The following NOP53 variants were observed in gnomAD, a reference collection of about 807,000 sequenced individuals.
NOP53 encodes NOP53 ribosome biogenesis factor.
Under a neutral mutation model 61.0 loss-of-function variants are expected in NOP53, and 40 were observed. That is an observed-to-expected ratio of 0.66 (90% confidence interval 0.51 to 0.85). NOP53 has a LOEUF of 0.85. Among genes scored for constraint, NOP53 ranks in the 40% least tolerant of loss-of-function variants. The pLI, the probability that NOP53 is intolerant of heterozygous loss-of-function variation, is 0.00. For synonymous variants in NOP53, 308 were observed against 289.5 expected (o/e 1.06, Z -0.65); for missense variants, 689 against 652.9 (o/e 1.06, Z -0.60).
intron 6 of NOP53, chr19:47,753,175 G>GC (rs1967145833): frequency 6.5e-6 from 1 of 152,966 alleles, no homozygotes; most frequent in African/African-American, 2.4e-5. Flanking sequence ...CGGGTGCGGT[G>GC]CCTCACACCT....
At chr19:47,746,699 C>G in intron 1 of NOP53, 1 of 319,176 alleles carries the variant, frequency 3.1e-6, no homozygotes, top group Non-Finnish European at 5.9e-6. Flanking sequence ...GGCAGGGTTT[C>G]ACCATGTTGG....
At chr19:47,751,404 T>C in intron 4 of NOP53, 116 bp from the exon 5 acceptor site, 1 of 793,038 alleles carries the variant, frequency 1.3e-6, no homozygotes, top group East Asian at 2.6e-5. Flanking sequence ...GAATCAGTCC[T>C]TCCCTTGCCT....
intron 2 of NOP53, among the ~76,000 whole-genome samples, chr19:47,749,751 T>C (rs920004290): frequency 1.3e-5 from 2 of 152,062 alleles, no homozygotes; most frequent in Admixed American, 1.3e-4. Flanking sequence ...TTTCTTCCTT[T>C]TTTTTTTCCC....
In NOP53 at chr19:47,754,386, T is replaced by C. The variant is rs142701460; in HGVS notation, c.766-141T>C. 339 of 677,232 alleles carry C rather than the reference T, an allele frequency of 5.0e-4. 2 individuals carry two copies. Among genetic ancestry groups the C allele is most frequent in the African/African-American group, 4.8e-3 (268 of 56,210 alleles). 42.0% of individuals were successfully genotyped at this position (677,232 alleles called of 1,614,324 possible). A position where few individuals can be genotyped will look rare whatever the true frequency, so the allele number is the denominator to read the frequency against. Reference sequence around the variant, plus strand: ...CTGGCTCTGTGCAGGGTGGGTGTGCTGGTAGACGGGGTGTGGGGAGGAAAG... The same window carrying C: ...CTGGCTCTGTGCAGGGTGGGTGTGCCGGTAGACGGGGTGTGGGGAGGAAAG... On this transcript the variant is annotated intron_variant, in intron 6 of 12. Coordinates refer to ENST00000246802, the MANE Select transcript of NOP53 (RefSeq NM_015710.5). The surrounding 1 kb of genome is among the most constrained non-coding windows in gnomAD (Gnocchi z 4.2).
intron 12 of NOP53, 27 bp from the exon 13 acceptor site, chr19:47,756,972 C>T: frequency 2.5e-6 from 4 of 1,613,992 alleles, no homozygotes; most frequent in Non-Finnish European, 3.4e-6. Flanking sequence ...CTCTCACCCA[C>T]CCTCAGCTCC....
chr19:47,752,611 C>A lies in NOP53; in HGVS notation c.765+4C>A. ...TCCATCCTTTGAAGACCACCAGGTACACTGCCCCGTCCAGGCCTCCCTCCT... is the reference window on the plus strand; with the variant it reads ...TCCATCCTTTGAAGACCACCAGGTAAACTGCCCCGTCCAGGCCTCCCTCCT... On this transcript the variant is annotated splice_donor_region_variant and intron_variant, in intron 6 of 12. Transcript: ENST00000246802. The A allele has an allele frequency of 1.3e-6, 2 of 1,569,428 alleles. No homozygotes were observed. The highest frequency in any genetic ancestry group is 1.1e-5 in the South Asian group (1 of 90,238).
At position 47,755,413 on chromosome 19, in the gene NOP53, G is replaced by C. The variant is rs969249170; in HGVS notation, c.1119G>C (p.Gly373=). The C allele has an allele frequency of 4.4e-5, 67 of 1,534,068 alleles. No homozygotes were observed. Among genetic ancestry groups the C allele is most frequent in the Non-Finnish European group, 5.7e-5 (65 of 1,144,026 alleles). The change falls in exon 9 of 13, where the codon GGG becomes GGC. Residue 373 remains glycine (G), a synonymous_variant. Transcript: ENST00000246802. Reference sequence around the variant, plus strand: ...ACCAGGAGCTGTTCCGGCTGCGCGGGATCAAGGCCCAGGTGGCCCTGAGGC... The same window carrying C: ...ACCAGGAGCTGTTCCGGCTGCGCGGCATCAAGGCCCAGGTGGCCCTGAGGC... ...LRHQELFRLR[G]IKAQVALRLA...
At position 47,745,574 on chromosome 19, in the gene NOP53, C is replaced by T. The variant is rs776909546; in HGVS notation, c.15C>T (p.Gly5=). 5.1e-5 allele frequency: 83 copies of T among 1,613,682 alleles called. No homozygotes were observed. The highest frequency in any genetic ancestry group is 5.1e-4 in the Middle Eastern group (3 of 5,852). Residue 5 remains glycine (G), a synonymous_variant, in exon 1 of 13, where the codon GGC becomes GGT. Coordinates refer to ENST00000246802, the MANE Select transcript of NOP53 (RefSeq NM_015710.5). ...CCTTTGACAAGATGGCGGCAGGAGG[C>T]AGTGGCGTTGGTGGGAAGCGCAGCT... The part of the protein sequence containing the change: MAAG[G]SGVGGKRSSK...
At chr19:47,752,856 C>T (rs1263434114) in intron 6 of NOP53, 11 of 483,382 alleles carry the variant, frequency 2.3e-5, no homozygotes, top group East Asian at 3.3e-5. Context: ...GAGGAGGGGT[C>T]GCCTGAGCCG....
chr19:47,752,767 A>G, intron 6 of NOP53, 160 bp downstream of exon 6: 1 of 583,630 alleles, frequency 1.7e-6, no homozygotes, highest in Non-Finnish European at 3.1e-6. Context: ...GTTCCCAGAC[A>G]GTGATGGGCA....
At position 47,756,676 on chromosome 19, in the gene NOP53, T is replaced by C. The variant is rs1335652465; in HGVS notation, c.1374-12T>C. The C allele has an allele frequency of 1.9e-6, 3 of 1,613,946 alleles. No homozygotes were observed. Among genetic ancestry groups the C allele is most frequent in the Non-Finnish European group, 2.5e-6 (3 of 1,179,978 alleles). On this transcript the variant is annotated splice_polypyrimidine_tract_variant and intron_variant, in intron 11 of 12. Transcript: ENST00000246802. ...GCCCCGGGCACTGATTGCTCCATTGTCCCTGCTCCAGGTTCAAACGCAAGT... is the reference window on the plus strand; with the variant it reads ...GCCCCGGGCACTGATTGCTCCATTGCCCCTGCTCCAGGTTCAAACGCAAGT...
chr19:47,751,504 C>T lies in NOP53; in HGVS notation c.599-16C>T, dbSNP rs1303983624. Reference sequence around the variant, plus strand: ...TGCTGGGACTGTCCCAGCAGCTCCCCTCGCTGTATCCACAGACCCCCTGGA... The same window carrying T: ...TGCTGGGACTGTCCCAGCAGCTCCCTTCGCTGTATCCACAGACCCCCTGGA... On this transcript the variant is annotated splice_polypyrimidine_tract_variant and intron_variant, in intron 4 of 12. Transcript: ENST00000246802. 1 of 1,610,228 alleles carries T rather than the reference C, an allele frequency of 6.2e-7. No homozygotes were observed. Among genetic ancestry groups the T allele is most frequent in the African/African-American group, 1.3e-5 (1 of 74,936 alleles).
chr19:47,752,604 C>T lies in NOP53; in HGVS notation c.762C>T (p.His254=), dbSNP rs1290208625. ...GASYNPSFED[H]QTLLSAAHEV... is the part of the protein sequence containing the mutation. ...CCTACAATCCATCCTTTGAAGACCACCAGGTACACTGCCCCGTCCAGGCCT... is the reference window on the plus strand; with the variant it reads ...CCTACAATCCATCCTTTGAAGACCATCAGGTACACTGCCCCGTCCAGGCCT... Residue 254 remains histidine (H), a synonymous_variant, in exon 6 of 13, where the codon CAC becomes CAT. Transcript: ENST00000246802. 1.3e-6 allele frequency: 2 copies of T among 1,586,446 alleles called. No individual in the cohort carries two copies. Among genetic ancestry groups the T allele is most frequent in the Admixed American group, 1.7e-5 (1 of 59,982 alleles).
chr19:47,750,315 CT>C, intron 3 of NOP53, 29 bp downstream of exon 3: 1 of 1,376,468 alleles, frequency 7.3e-7, no homozygotes, highest in Non-Finnish European at 1.0e-6. Flanking sequence ...CTGGGCCCTT[CT>C]TTCCCACCAG....
In NOP53 at chr19:47,752,575, G is replaced by C; in HGVS notation, c.733G>C (p.Ala245Pro). 6.2e-7 allele frequency: 1 copy of C among 1,611,066 alleles called. No individual in the cohort carries two copies. The highest frequency in any genetic ancestry group is 8.5e-7 in the Non-Finnish European group (1 of 1,178,028). ...CGCCGTGGAGGTGGCGCCTGCCGGAGCTTCCTACAATCCATCCTTTGAAGA... is the reference window on the plus strand; with the variant it reads ...CGCCGTGGAGGTGGCGCCTGCCGGACCTTCCTACAATCCATCCTTTGAAGA... ...APAVEVAPAG[A>P]SYNPSFEDHQ... The change falls in exon 6 of 13, where the codon GCT becomes CCT. Residue 245 changes from alanine (A) to proline (P), a missense_variant. Physicochemically the swap from Ala to Pro is conservative, Grantham distance 27. Transcript: ENST00000246802.
chr19:47,745,834 C>A, intron 1 of NOP53, 51 bp downstream of exon 1: 1 of 1,063,466 alleles, frequency 9.4e-7, no homozygotes. Flanking sequence ...CGCCCAGGTG[C>A]AAGGCCAGGC....
At position 47,756,754 on chromosome 19, in the gene NOP53, C is replaced by G. The variant is rs745340128; in HGVS notation, c.1430+10C>G. 9.4e-5 allele frequency: 151 copies of G among 1,612,856 alleles called. No homozygotes were observed. Among genetic ancestry groups the G allele is most frequent in the Non-Finnish European group, 1.3e-4 (148 of 1,179,728 alleles). On this transcript the variant is annotated intron_variant, in intron 12 of 12. Transcript: ENST00000246802. ...CGTTCCGTGAGATCCAGTGAGTCCACCCGGCTTCGGCGCAAGGAAGGGAGC... is the reference window on the plus strand; with the variant it reads ...CGTTCCGTGAGATCCAGTGAGTCCAGCCGGCTTCGGCGCAAGGAAGGGAGC...
Position 47,754,657 on chromosome 19 carries a change from T to TC in NOP53, c.870+30dup. On this transcript the variant is annotated intron_variant, in intron 7 of 12. Transcript: ENST00000246802. The surrounding 1 kb of genome is among the most constrained non-coding windows in gnomAD (Gnocchi z 4.2). ...GTGAGCCCCGCACCTGCCCACTCCCTCCCCTCCCCGGGCCTCCTACCCACC... is the reference window on the plus strand; with the variant it reads ...GTGAGCCCCGCACCTGCCCACTCCCTCCCCCTCCCCGGGCCTCCTACCCACC... 1 of 1,537,952 alleles carries TC rather than the reference T, an allele frequency of 6.5e-7. No homozygotes were observed. Among genetic ancestry groups the TC allele is most frequent in the Non-Finnish European group, 8.8e-7 (1 of 1,137,964 alleles).
intron 5 of NOP53, among the ~76,000 whole-genome samples, chr19:47,752,114 A>T (rs1599917367): frequency 6.6e-6 from 1 of 152,110 alleles, no homozygotes; most frequent in South Asian, 2.1e-4. Flanking sequence ...TCTCAAAAAA[A>T]AAAATAAAAT....
Sources: gnomAD v4.1 joint callset for allele counts (sites outside exome capture counted in the v4.1 genomes callset) on GRCh38, gnomAD v4.1.1 for gene constraint, Gnocchi (gnomAD v3.1) non-coding constraint, MANE v1.5 for transcripts, NCBI Gene and HGNC (gene_info 2026-07-23, HGNC 2026-07-21) for gene names.